Variants in CALN1 observed in about 807,000 individuals in gnomAD.
CALN1 encodes calneuron 1, also known as calcium-binding protein 8.
In CALN1, 17 loss-of-function variants were observed where a neutral mutation model predicts 30.6. That is an observed-to-expected ratio of 0.56 (90% CI 0.38 to 0.83). The LOEUF (loss-of-function observed/expected upper bound fraction) is 0.83, where lower values mean the gene tolerates loss of function less well. Ranked by LOEUF, CALN1 falls within the 40% of genes least tolerant of loss-of-function variation. CALN1 has a pLI of 0.00. For synonymous variants in CALN1, 156 were observed against 131.4 expected (o/e 1.19, Z -1.28); for missense variants, 291 against 354.9 (o/e 0.82, Z 1.45).
rs973771239 is a variant in CALN1 at position 71,936,885 on chromosome 7, T to C, written c.501+86772A>G. 4.0e-5 allele frequency among the ~76,000 whole-genome samples: 6 copies of C among 151,376 alleles called. No homozygotes were observed. The East Asian group carries it at 5.8e-4, about 15-fold the overall frequency. On this transcript the variant is annotated intron_variant, in intron 5 of 6. Transcript: ENST00000395275. Reference sequence around the variant, plus strand: ...AGTGAGTAAGTCTCATGAGATCTGATGGTTTTATCAGGAGTTTCTGCTTTT... The same window carrying C: ...AGTGAGTAAGTCTCATGAGATCTGACGGTTTTATCAGGAGTTTCTGCTTTT...
chr7:71,868,031 C>CT (rs373374881), intron 5 of CALN1, among the ~76,000 whole-genome samples: 79 of 152,092 alleles, frequency 5.2e-4, no homozygotes, highest in African/African-American at 1.8e-3. Context: ...TAAAAGTATT[C>CT]TTTTTTTGTT....
At chr7:71,984,916 T>G (rs1798584310) in intron 5 of CALN1, among the ~76,000 whole-genome samples, 4 of 152,148 alleles carry the variant, frequency 2.6e-5, no homozygotes, top group Admixed American at 2.6e-4. Context: ...CTGCCCAGAT[T>G]CTTCTACTTG....
chr7:71,962,680 C>T (rs2129525265), intron 5 of CALN1, among the ~76,000 whole-genome samples: 1 of 152,314 alleles, frequency 6.6e-6, no homozygotes, highest in East Asian at 1.9e-4. Flanking sequence ...TAAAATTCCA[C>T]TTTGGGTGCC....
chr7:72,079,840 G>A lies in CALN1; in HGVS notation c.388+26311C>T, dbSNP rs557479896. ...GGCTGGAGTGCTGTGGCGTGATCTCGGCTCACTGCAGCCTCCACCTCCTGG... is the reference window on the plus strand; with the variant it reads ...GGCTGGAGTGCTGTGGCGTGATCTCAGCTCACTGCAGCCTCCACCTCCTGG... On this transcript the variant is annotated intron_variant, in intron 4 of 6. Coordinates refer to ENST00000395275, the MANE Select transcript of CALN1 (RefSeq NM_031468.4). Among the ~76,000 whole-genome samples, 7 of 140,980 alleles carry A rather than the reference G, an allele frequency of 5.0e-5. No individual in the cohort carries two copies. The South Asian group carries it at 1.1e-3, about 23-fold the overall frequency. 92.5% of individuals were successfully genotyped at this position (140,980 alleles called of 152,430 possible).
At chr7:72,230,510 G>GGA (rs1562770981) in intron 3 of CALN1, among the ~76,000 whole-genome samples, 1 of 131,588 alleles carries the variant, frequency 7.6e-6, no homozygotes, top group African/African-American at 2.8e-5. Flanking sequence ...CCTGTCTTGA[G>GGA]AAAAAAAAAA....
chr7:72,338,689 T>C (rs1484923063), intron 2 of CALN1, among the ~76,000 whole-genome samples: 1 of 152,072 alleles, frequency 6.6e-6, no homozygotes, highest in East Asian at 1.9e-4. Flanking sequence ...AGGTACATGG[T>C]AGGTGTACAT....
chr7:72,402,732 G>A (rs1019109535), intron 2 of CALN1, among the ~76,000 whole-genome samples: 10 of 152,182 alleles, frequency 6.6e-5, no homozygotes, highest in African/African-American at 2.4e-4. Flanking sequence ...AGACAGACAG[G>A]GTAGCCTAGT....
intron 3 of CALN1, among the ~76,000 whole-genome samples, chr7:72,192,953 T>C (rs1464526099): frequency 6.6e-6 from 1 of 151,878 alleles, no homozygotes; most frequent in Non-Finnish European, 1.5e-5. Flanking sequence ...TCTGGGATGC[T>C]GAAACAGGCG....
chr7:71,889,510 T>C (rs1294037570), intron 5 of CALN1, among the ~76,000 whole-genome samples: 1 of 152,134 alleles, frequency 6.6e-6, no homozygotes, highest in Non-Finnish European at 1.5e-5. Context: ...GTCTCATTCA[T>C]GAGGACTCCA....
chr7:72,385,661 G>A (rs1255826990), intron 2 of CALN1, among the ~76,000 whole-genome samples: 2 of 152,214 alleles, frequency 1.3e-5, no homozygotes, highest in Non-Finnish European at 2.9e-5. Flanking sequence ...TGTCAAGGGA[G>A]TAACTTGGTG....
chr7:72,196,746 G>A (rs1791035081), intron 3 of CALN1, among the ~76,000 whole-genome samples: 1 of 152,142 alleles, frequency 6.6e-6, no homozygotes, highest in Admixed American at 6.5e-5. Flanking sequence ...TTATGTGCTT[G>A]CCACTATATC....
At chr7:71,949,420 G>T (rs1796575617) in intron 5 of CALN1, among the ~76,000 whole-genome samples, 1 of 152,140 alleles carries the variant, frequency 6.6e-6, no homozygotes, top group African/African-American at 2.4e-5. Context: ...GTCTCACTCT[G>T]TTGCCCAGAC....
At chr7:72,369,719 T>G (rs1804107490) in intron 2 of CALN1, among the ~76,000 whole-genome samples, 1 of 152,206 alleles carries the variant, frequency 6.6e-6, no homozygotes, top group South Asian at 2.1e-4. Flanking sequence ...TAGAAGTTTA[T>G]AGAAGTAGAA....
intron 5 of CALN1, among the ~76,000 whole-genome samples, chr7:71,913,016 T>C (rs1287096344): frequency 6.6e-6 from 1 of 152,142 alleles, no homozygotes. Flanking sequence ...AAGTGGAGGC[T>C]GAGGAGAGCA....
chr7:71,977,932 TAAAA>T (rs59155068), intron 5 of CALN1, among the ~76,000 whole-genome samples: 5 of 118,736 alleles, frequency 4.2e-5, no homozygotes, highest in Admixed American at 1.8e-4. Flanking sequence ...ACTCTGTCTT[TAAAA>T]AAAAAAAAAA....
chr7:72,225,490 A>G (rs367717082), intron 3 of CALN1, among the ~76,000 whole-genome samples: 1 of 152,002 alleles, frequency 6.6e-6, no homozygotes, highest in African/African-American at 2.4e-5. Flanking sequence ...AGGAGTGGCC[A>G]ATGGGGAAAA....
intron 3 of CALN1, among the ~76,000 whole-genome samples, chr7:72,162,777 T>G (rs1788208453): frequency 6.6e-6 from 1 of 152,132 alleles, no homozygotes; most frequent in Non-Finnish European, 1.5e-5. Flanking sequence ...ACATACATGT[T>G]TATATGGCTT....
In CALN1 at chr7:71,783,324, C is replaced by T. The variant is rs542721030; in HGVS notation, c.*4451G>A. The T allele has an allele frequency of 2.3e-4, 35 of 152,252 alleles. No individual in the cohort carries two copies. The highest frequency in any genetic ancestry group is 7.7e-4 in the African/African-American group (32 of 41,550). 9.4% of individuals were successfully genotyped at this position (152,252 alleles called of 1,614,324 possible). On this transcript the variant is annotated 3_prime_UTR_variant, in exon 7 of 7. Transcript: ENST00000395275. Reference sequence around the variant, plus strand: ...TCATCTCAGTTCATCTGTACCATCACGGTGATATAGGAAAAGGGGCCCTTC... The same window carrying T: ...TCATCTCAGTTCATCTGTACCATCATGGTGATATAGGAAAAGGGGCCCTTC...
intron 5 of CALN1, among the ~76,000 whole-genome samples, chr7:72,005,397 C>T (rs1173405346): frequency 6.6e-6 from 1 of 152,120 alleles, no homozygotes; most frequent in Non-Finnish European, 1.5e-5. Context: ...GGCGTGATCA[C>T]GGCTCACTAC....
Sources: allele counts gnomAD v4.1 joint callset (sites outside exome capture counted in the v4.1 genomes callset), GRCh38; gene constraint gnomAD v4.1.1; transcripts MANE v1.5; gene names NCBI Gene and HGNC (gene_info 2026-07-23, HGNC 2026-07-21).